Variants in GAS2 observed in about 807,000 individuals in gnomAD.
GAS2 encodes the protein growth arrest specific 2.
A neutral mutation model predicts 37.5 loss-of-function variants in GAS2; 20 were observed. That is an observed-to-expected ratio of 0.53 (90% confidence interval 0.37 to 0.77). GAS2 has a LOEUF of 0.77. Ranked by LOEUF, GAS2 falls within the 30% of genes least tolerant of loss-of-function variation. GAS2 has a pLI of 0.00. For missense variants in GAS2, 336 were observed against 373.4 expected (o/e 0.90, Z 0.82); for synonymous variants, 144 against 132.2 (o/e 1.09, Z -0.61).
intron 7 of GAS2, among the ~76,000 whole-genome samples, chr11:22,762,859 A>C (rs1170277964): frequency 6.6e-6 from 1 of 152,320 alleles, no homozygotes; most frequent in Admixed American, 6.5e-5. Context: ...TTTTCAATAG[A>C]AATCAGAAGA....
intron 2 of GAS2, among the ~76,000 whole-genome samples, chr11:22,685,283 G>A (rs1355988315): frequency 6.6e-6 from 1 of 152,148 alleles, no homozygotes; most frequent in East Asian, 1.9e-4. Flanking sequence ...TGGGCCACTG[G>A]GGATGAGAAT....
At chr11:22,737,889 C>T (rs1213071845) in intron 5 of GAS2, 121 bp downstream of exon 5, 33 of 861,018 alleles carry the variant, frequency 3.8e-5, no homozygotes, top group Non-Finnish European at 5.2e-5. Flanking sequence ...TACTCATTCA[C>T]GATGATAATA....
intron 4 of GAS2, among the ~76,000 whole-genome samples, chr11:22,730,786 G>A (rs1852433553): frequency 1.3e-5 from 2 of 151,582 alleles, no homozygotes; most frequent in African/African-American, 4.8e-5. Flanking sequence ...AGCTATAGAA[G>A]GCTCTAGGTG....
intron 3 of GAS2, among the ~76,000 whole-genome samples, chr11:22,722,144 G>A (rs1215732920): frequency 1.3e-5 from 2 of 151,934 alleles, no homozygotes; most frequent in Non-Finnish European, 2.9e-5. Context: ...CTGAAAGGCA[G>A]TGGGTTGAAT....
intron 7 of GAS2, among the ~76,000 whole-genome samples, chr11:22,802,204 A>G (rs1432750271): frequency 6.6e-6 from 1 of 152,046 alleles, no homozygotes; most frequent in East Asian, 1.9e-4. Flanking sequence ...AAACTATCAC[A>G]AGGACAGAAA....
intron 1 of GAS2, among the ~76,000 whole-genome samples, chr11:22,657,369 A>C (rs1848867870): frequency 6.6e-6 from 1 of 152,162 alleles, no homozygotes; most frequent in African/African-American, 2.4e-5. Context: ...GGATTTGCTA[A>C]TTTGAATAAT....
rs1565101846 is a variant in GAS2 at position 22,710,504 on chromosome 11, TG to T, written c.268-15787del. ...GTAGATATATGTGTGTGTGTGTGTC[TG>T]TGTGTGTCTGTGTGTATATATATAT... On this transcript the variant is annotated intron_variant, in intron 3 of 7. Coordinates refer to ENST00000454584, the MANE Select transcript of GAS2 (RefSeq NM_001143830.3). Among the ~76,000 whole-genome samples the T allele has an allele frequency of 2.9e-4, 7 of 24,510 alleles. 1 individual carries two copies. In the Admixed American group the frequency reaches 5.6e-3, roughly 20 times the overall value. The allele number at this position is 24,510 out of a possible 152,430, so 16.1% of individuals were successfully genotyped here. A position where few individuals can be genotyped will look rare whatever the true frequency, so the allele number is the denominator to read the frequency against.
At chr11:22,780,663 T>C (rs1311280487) in intron 7 of GAS2, among the ~76,000 whole-genome samples, 1 of 151,732 alleles carries the variant, frequency 6.6e-6, no homozygotes. Context: ...CATCATAAAA[T>C]TCCAGAGTGG....
chr11:22,653,459 C>A (rs963264497), intron 1 of GAS2, among the ~76,000 whole-genome samples: 1 of 152,044 alleles, frequency 6.6e-6, no homozygotes, highest in East Asian at 1.9e-4. Flanking sequence ...GTGAAAATAG[C>A]AAATATGTTG....
chr11:22,773,386 CTTTTTTTTT>C (rs34014416), intron 7 of GAS2, among the ~76,000 whole-genome samples: 2 of 64,956 alleles, frequency 3.1e-5, no homozygotes, highest in Non-Finnish European at 2.9e-5. Flanking sequence ...ACACCTCAAT[CTTTTTTTTT>C]TTTTTTTTTT....
chr11:22,719,631 A>C (rs1269676146), intron 3 of GAS2, among the ~76,000 whole-genome samples: 2 of 151,966 alleles, frequency 1.3e-5, no homozygotes, highest in African/African-American at 4.8e-5. Flanking sequence ...CTTTTCATCC[A>C]TCCCTCCCTG....
At chr11:22,775,834 A>G (rs896559522) in intron 7 of GAS2, among the ~76,000 whole-genome samples, 1 of 152,176 alleles carries the variant, frequency 6.6e-6, no homozygotes, top group African/African-American at 2.4e-5. Context: ...TCTGCCTAGT[A>G]ATTTAGTACA....
intron 5 of GAS2, among the ~76,000 whole-genome samples, chr11:22,742,455 G>A (rs1423858385): frequency 6.6e-6 from 1 of 152,100 alleles, no homozygotes; most frequent in African/African-American, 2.4e-5. Flanking sequence ...GCAGGTGCAA[G>A]CCCCCAACCC....
chr11:22,685,775 A>C lies in GAS2; in HGVS notation c.253A>C (p.Asn85His). ...QEKFKESMDA[N>H]KPTKNLPLKK... is the part of the protein sequence containing the mutation. ...GAAATTCAAGGAGAGCATGGATGCT[A>C]ACAAGCCCACAAAGGTAAAAGATCC... Residue 85 changes from asparagine (N) to histidine (H), a missense_variant, in exon 3 of 8, where the codon AAC becomes CAC. Asn to His is a moderately conservative substitution (Grantham distance 68). Transcript: ENST00000454584. 6 of 1,613,310 alleles carry C rather than the reference A, an allele frequency of 3.7e-6. No homozygotes were observed. Among genetic ancestry groups the C allele is most frequent in the Non-Finnish European group, 5.1e-6 (6 of 1,179,684 alleles).
chr11:22,786,727 G>A (rs1330230098), intron 7 of GAS2, among the ~76,000 whole-genome samples: 1 of 152,128 alleles, frequency 6.6e-6, no homozygotes, highest in African/African-American at 2.4e-5. Context: ...AAAAGTAGAT[G>A]CAAATGGGTA....
chr11:22,714,207 A>G (rs540495835), intron 3 of GAS2, among the ~76,000 whole-genome samples: 1 of 152,316 alleles, frequency 6.6e-6, no homozygotes, highest in East Asian at 1.9e-4. Flanking sequence ...GGAAACCAAA[A>G]GTGAGCAGGG....
chr11:22,757,882 G>C (rs914610392), intron 7 of GAS2, among the ~76,000 whole-genome samples: 6 of 147,854 alleles, frequency 4.1e-5, no homozygotes, highest in Non-Finnish European at 7.6e-5. Flanking sequence ...TCTAAAAAAG[G>C]CTCCTGTCTA....
At chr11:22,735,716 TA>T (rs1357036647) in intron 4 of GAS2, among the ~76,000 whole-genome samples, 1 of 151,934 alleles carries the variant, frequency 6.6e-6, no homozygotes. Context: ...ATATGTACAG[TA>T]AGTTGGTTAA....
intron 7 of GAS2, among the ~76,000 whole-genome samples, chr11:22,780,375 G>C (rs941452995): frequency 6.6e-6 from 1 of 151,902 alleles, no homozygotes; most frequent in South Asian, 2.1e-4. Context: ...TGCACTTGTA[G>C]TCCCAGCTAC....
Sources: allele counts gnomAD v4.1 joint callset (sites outside exome capture counted in the v4.1 genomes callset), GRCh38; gene constraint gnomAD v4.1.1; transcripts MANE v1.5; gene names NCBI Gene and HGNC (gene_info 2026-07-23, HGNC 2026-07-21).